The following ITPKB variants were observed in gnomAD, a reference collection of about 807,000 sequenced individuals.
ITPKB encodes inositol-trisphosphate 3-kinase B.
Under a neutral mutation model 69.4 loss-of-function variants are expected in ITPKB, and 13 were observed. The ratio of observed to expected loss-of-function variants is 0.19; its 90% confidence interval spans 0.12 to 0.30. ITPKB has a LOEUF of 0.30. ITPKB is among the 10% of genes least tolerant of loss of function. ITPKB has a pLI of 1.00. For missense variants in ITPKB, 1,240 were observed against 1,250.5 expected (o/e 0.99, Z 0.13); for synonymous variants, 584 against 513.7 (o/e 1.14, Z -1.85).
chr1:226,727,470 GC>G (rs1321931614), intron 2 of ITPKB, among the ~76,000 whole-genome samples: 1 of 152,216 alleles, frequency 6.6e-6, no homozygotes, highest in Non-Finnish European at 1.5e-5. Context: ...TGGGTGGATG[GC>G]CAGTCACCAG....
At chr1:226,721,141 C>T (rs1215382118) in intron 2 of ITPKB, among the ~76,000 whole-genome samples, 4 of 151,022 alleles carry the variant, frequency 2.6e-5, no homozygotes, top group African/African-American at 4.9e-5. Context: ...GTCGGGAGTT[C>T]GAGCCCAACC....
At chr1:226,645,608 G>A (rs2102743866) in intron 4 of ITPKB, among the ~76,000 whole-genome samples, 2 of 152,302 alleles carry the variant, frequency 1.3e-5, no homozygotes, top group Middle Eastern at 3.4e-3. Context: ...TCTCCATGTG[G>A]TCACCTGCGA....
chr1:226,701,472 T>C (rs1656636247), intron 2 of ITPKB, among the ~76,000 whole-genome samples: 1 of 150,376 alleles, frequency 6.6e-6, no homozygotes, highest in Non-Finnish European at 1.5e-5. Flanking sequence ...GGCGTGGTGG[T>C]GGGCGCCTGT....
intron 2 of ITPKB, among the ~76,000 whole-genome samples, chr1:226,695,876 G>A (rs1159681296): frequency 6.6e-6 from 1 of 152,198 alleles, no homozygotes; most frequent in East Asian, 1.9e-4. Flanking sequence ...GGGCAAGACA[G>A]TAAGATGAGG....
chr1:226,668,660 T>C (rs938156553), intron 2 of ITPKB, among the ~76,000 whole-genome samples: 2 of 152,246 alleles, frequency 1.3e-5, no homozygotes, highest in Non-Finnish European at 2.9e-5. Context: ...CTGCCAAATT[T>C]TATGTTTAAG....
At chr1:226,684,482 CT>C (rs956276907) in intron 2 of ITPKB, among the ~76,000 whole-genome samples, 9 of 151,808 alleles carry the variant, frequency 5.9e-5, no homozygotes, top group Admixed American at 3.3e-4. Flanking sequence ...TAGAGCAACA[CT>C]TTTTTTTTCT....
intron 2 of ITPKB, among the ~76,000 whole-genome samples, chr1:226,729,915 T>C (rs1657538684): frequency 6.6e-6 from 1 of 152,122 alleles, no homozygotes; most frequent in Admixed American, 6.5e-5. Context: ...TATTTTTTAA[T>C]AGGAAGCACA....
chr1:226,711,442 A>AGTGTGTGT (rs57531406), intron 2 of ITPKB, among the ~76,000 whole-genome samples: 30 of 102,358 alleles, frequency 2.9e-4, no homozygotes, highest in African/African-American at 1.1e-3. Context: ...AGAGAGAGAG[A>AGTGTGTGT]GTGTGTGTGT....
chr1:226,685,798 T>C (rs1279235293), intron 2 of ITPKB, among the ~76,000 whole-genome samples: 2 of 152,260 alleles, frequency 1.3e-5, no homozygotes, highest in East Asian at 1.9e-4. Context: ...TCCACAACAT[T>C]GTACAAGGAA....
At chr1:226,649,385 TGTGTGCATGA>T (rs1669129075) in intron 2 of ITPKB, among the ~76,000 whole-genome samples, 1 of 146,808 alleles carries the variant, frequency 6.8e-6, no homozygotes, top group African/African-American at 2.5e-5. Context: ...ATTGTGTGCA[TGTGTGCATGA>T]GTGTGTGTGC....
intron 2 of ITPKB, among the ~76,000 whole-genome samples, chr1:226,718,366 C>T (rs556119317): frequency 6.6e-6 from 1 of 151,960 alleles, no homozygotes; most frequent in Admixed American, 6.5e-5. Context: ...CCCATAATCT[C>T]AGCACTTTGG....
rs1476207446 is a variant in ITPKB, at chr1:226,737,531, C to A, written c.-73G>T. On this transcript the variant is annotated 5_prime_UTR_variant, in exon 2 of 8. Coordinates refer to ENST00000429204, the MANE Select transcript of ITPKB (RefSeq NM_002221.4). ...CGCCGCCGGCGCCTCCTCCTCCCGG[C>A]GCTCCCGGCTCAGCCCCGGAGGCCC... 26 of 1,379,202 alleles carry A rather than the reference C, an allele frequency of 1.9e-5. No individual in the cohort carries two copies. The highest frequency in any genetic ancestry group is 2.7e-4 in the Middle Eastern group (1 of 3,720). The allele number at this position is 1,379,202 out of a possible 1,614,324, so 85.4% of individuals were successfully genotyped here. A position where few individuals can be genotyped will look rare whatever the true frequency, so the allele number is the denominator to read the frequency against.
At chr1:226,648,575 C>T in intron 3 of ITPKB, 97 bp downstream of exon 3, 1 of 792,228 alleles carries the variant, frequency 1.3e-6, no homozygotes, top group South Asian at 1.4e-5. Context: ...TTGGAGGGAA[C>T]TTGCTCTGGA....
At chr1:226,715,648 G>A (rs1438937660) in intron 2 of ITPKB, among the ~76,000 whole-genome samples, 42 of 152,186 alleles carry the variant, frequency 2.8e-4, no homozygotes, top group Admixed American at 2.7e-3. Context: ...AGTCAGGAAT[G>A]TAACAAGAGG....
chr1:226,722,501 T>C (rs890277807), intron 2 of ITPKB, among the ~76,000 whole-genome samples: 3 of 152,308 alleles, frequency 2.0e-5, no homozygotes, highest in Middle Eastern at 3.4e-3. Context: ...TACAGTGTAA[T>C]ACCGCAAGGT....
chr1:226,639,909 G>A (rs1452698810), intron 5 of ITPKB, among the ~76,000 whole-genome samples: 1 of 152,210 alleles, frequency 6.6e-6, no homozygotes, highest in Non-Finnish European at 1.5e-5. Flanking sequence ...ACAGTGGTAG[G>A]AAAGGCCCGG....
chr1:226,705,912 T>C (rs1656792195), intron 2 of ITPKB, among the ~76,000 whole-genome samples: 1 of 152,240 alleles, frequency 6.6e-6, no homozygotes, highest in Non-Finnish European at 1.5e-5. Flanking sequence ...AAAGCACTTG[T>C]AGAGCCATCA....
intron 2 of ITPKB, among the ~76,000 whole-genome samples, chr1:226,655,096 G>A (rs965249882): frequency 9.2e-5 from 14 of 151,744 alleles, no homozygotes; most frequent in African/African-American, 3.4e-4. Flanking sequence ...GGAAGAGGAG[G>A]GCAGGAGGAA....
chr1:226,682,918 G>T (rs1357815451), intron 2 of ITPKB, among the ~76,000 whole-genome samples: 3 of 152,136 alleles, frequency 2.0e-5, no homozygotes, highest in Non-Finnish European at 2.9e-5. Flanking sequence ...GCTGTATTTG[G>T]CCACGTTCTA....
Sources: gnomAD v4.1 joint callset for allele counts (sites outside exome capture counted in the v4.1 genomes callset) on GRCh38, gnomAD v4.1.1 for gene constraint, MANE v1.5 for transcripts, NCBI Gene and HGNC (gene_info 2026-07-23, HGNC 2026-07-21) for gene names.